The following GALNTL6 variants were observed in gnomAD, a reference collection of about 807,000 sequenced individuals.
GALNTL6 encodes the protein polypeptide N-acetylgalactosaminyltransferase-like 6.
GALNTL6 carries 46 observed loss-of-function variants against 73.7 expected under a neutral mutation model. The observed-to-expected ratio is 0.62, with a 90% CI of 0.49 to 0.80. The LOEUF is 0.80. GALNTL6 is among the 30% of genes least tolerant of loss of function. The pLI, the probability that GALNTL6 is intolerant of heterozygous loss-of-function variation, is 0.00. For missense variants in GALNTL6, 604 were observed against 755.0 expected (o/e 0.80, Z 2.34); for synonymous variants, 259 against 263.7 (o/e 0.98, Z 0.17).
At chr4:172,701,639 G>A (rs1173870623) in intron 5 of GALNTL6, among the ~76,000 whole-genome samples, 22 of 152,044 alleles carry the variant, frequency 1.4e-4, no homozygotes, top group Non-Finnish European at 2.8e-4. Context: ...AATCGGAATA[G>A]GACCTCAAGA....
chr4:172,462,708 T>G (rs1732662043), intron 5 of GALNTL6, among the ~76,000 whole-genome samples: 1 of 152,172 alleles, frequency 6.6e-6, no homozygotes, highest in Non-Finnish European at 1.5e-5. Context: ...TTACTAAAGC[T>G]TTGCACAATA....
At chr4:171,846,324 C>T (rs1029295117) in intron 2 of GALNTL6, among the ~76,000 whole-genome samples, 6 of 152,146 alleles carry the variant, frequency 3.9e-5, no homozygotes, top group African/African-American at 1.4e-4. Flanking sequence ...ACCTGATGCA[C>T]CTGTTCCCCA....
At chr4:171,849,039 A>G (rs1487610184) in intron 2 of GALNTL6, among the ~76,000 whole-genome samples, 1 of 152,132 alleles carries the variant, frequency 6.6e-6, no homozygotes, top group Non-Finnish European at 1.5e-5. Context: ...AATAGTGTAC[A>G]TTGTGAAGAA....
intron 3 of GALNTL6, among the ~76,000 whole-genome samples, chr4:172,240,041 G>A (rs1737367469): frequency 2.0e-5 from 3 of 152,058 alleles, no homozygotes. Context: ...TGTGTCTTGG[G>A]GTTCTCTGCA....
At chr4:171,974,424 C>G (rs957246274) in intron 2 of GALNTL6, among the ~76,000 whole-genome samples, 43 of 152,124 alleles carry the variant, frequency 2.8e-4, no homozygotes, top group Admixed American at 1.8e-3. Flanking sequence ...TCTTCATTAC[C>G]ATATTACCAC....
intron 2 of GALNTL6, among the ~76,000 whole-genome samples, chr4:171,850,772 G>A (rs949232247): frequency 1.3e-5 from 2 of 152,208 alleles, no homozygotes; most frequent in Non-Finnish European, 2.9e-5. Flanking sequence ...TTATGGCTAG[G>A]CACTCAGTTT....
chr4:172,295,154 G>T (rs1291934626), intron 3 of GALNTL6, among the ~76,000 whole-genome samples: 1 of 152,096 alleles, frequency 6.6e-6, no homozygotes, highest in Non-Finnish European at 1.5e-5. Flanking sequence ...GGGCGTGGTG[G>T]CTCACGTCTG....
intron 2 of GALNTL6, among the ~76,000 whole-genome samples, chr4:172,057,746 ATATATATATAT>A: frequency 2.1e-5 from 3 of 142,422 alleles, no homozygotes; most frequent in African/African-American, 7.7e-5. Flanking sequence ...ATATATATAT[ATATATATATAT>A]AAATCAAGTT....
intron 7 of GALNTL6, among the ~76,000 whole-genome samples, chr4:172,837,697 T>C (rs907626547): frequency 6.6e-5 from 10 of 152,306 alleles, no homozygotes; most frequent in African/African-American, 2.4e-4. Flanking sequence ...TTAACTTTTC[T>C]TCCTGTACTG....
At chr4:172,052,372 G>A in intron 2 of GALNTL6, 1 of 1,134,762 alleles carries the variant, frequency 8.8e-7, no homozygotes, top group Non-Finnish European at 1.3e-6. Context: ...GAAGACCTAT[G>A]CACACCTTCA....
chr4:172,017,371 G>GT (rs887318374), intron 2 of GALNTL6, among the ~76,000 whole-genome samples: 6 of 152,138 alleles, frequency 3.9e-5, no homozygotes, highest in Non-Finnish European at 8.8e-5. Flanking sequence ...TGACTCTGCT[G>GT]TTTTTCCAGG....
intron 4 of GALNTL6, among the ~76,000 whole-genome samples, chr4:172,322,272 T>C (rs1354792399): frequency 6.6e-6 from 1 of 152,170 alleles, no homozygotes; most frequent in African/African-American, 2.4e-5. Context: ...AACTTTTTAA[T>C]GAACTTTCGC....
intron 3 of GALNTL6, among the ~76,000 whole-genome samples, chr4:172,259,381 T>C (rs529411388): frequency 3.3e-5 from 5 of 151,704 alleles, no homozygotes; most frequent in African/African-American, 1.2e-4. Flanking sequence ...TTTTTATGTT[T>C]GTCGGCCATT....
At chr4:172,855,400 AACTC>A (rs1349646881) in intron 7 of GALNTL6, among the ~76,000 whole-genome samples, 3 of 152,198 alleles carry the variant, frequency 2.0e-5, no homozygotes, top group Non-Finnish European at 2.9e-5. Context: ...CTCATGATGA[AACTC>A]AATTAATTTA....
At chr4:172,973,857 G>T (rs1579729007) in intron 10 of GALNTL6, among the ~76,000 whole-genome samples, 1 of 152,182 alleles carries the variant, frequency 6.6e-6, no homozygotes, top group East Asian at 1.9e-4. Flanking sequence ...GAAAGGACAT[G>T]CTGCATGGTA....
chr4:172,883,255 C>A (rs1008885814), intron 8 of GALNTL6, among the ~76,000 whole-genome samples: 6 of 152,132 alleles, frequency 3.9e-5, no homozygotes, highest in Non-Finnish European at 7.3e-5. Context: ...TTGAAATATA[C>A]AATAAATTAT....
chr4:172,557,637 A>G (rs915640584), intron 5 of GALNTL6, among the ~76,000 whole-genome samples: 11 of 152,204 alleles, frequency 7.2e-5, no homozygotes, highest in Non-Finnish European at 1.3e-4. Context: ...CATATGAAAA[A>G]TTACTCAATA....
At chr4:172,012,614 T>G (rs1314378830) in intron 2 of GALNTL6, among the ~76,000 whole-genome samples, 1 of 152,076 alleles carries the variant, frequency 6.6e-6, no homozygotes, top group African/African-American at 2.4e-5. Context: ...TCACAGCTCA[T>G]GTGGAAGCTG....
At chr4:172,486,202 GA>G (rs1183355202) in intron 5 of GALNTL6, among the ~76,000 whole-genome samples, 1 of 152,090 alleles carries the variant, frequency 6.6e-6, no homozygotes, top group African/African-American at 2.4e-5. Flanking sequence ...AGCAACAAGG[GA>G]AAAATTAGCT....
Sources: gnomAD v4.1 joint callset for allele counts (sites outside exome capture counted in the v4.1 genomes callset) on GRCh38, gnomAD v4.1.1 for gene constraint, MANE v1.5 for transcripts, NCBI Gene and HGNC (gene_info 2026-07-23, HGNC 2026-07-21) for gene names.